Variants in PIGG observed in about 807,000 individuals in gnomAD.
The protein encoded by PIGG is GPI ethanolamine phosphate transferase 2, catalytic subunit.
A neutral mutation model predicts 83.2 loss-of-function variants in PIGG; 70 were observed. The observed-to-expected ratio is 0.84, with a 90% CI of 0.69 to 1.03. The LOEUF (loss-of-function observed/expected upper bound fraction) is 1.03, where lower values mean the gene tolerates loss of function less well. Among genes scored for constraint, PIGG ranks in the 50% least tolerant of loss-of-function variants. PIGG has a pLI of 0.00. For missense variants in PIGG, 1,257 were observed against 1,233.6 expected (o/e 1.02, Z -0.28); for synonymous variants, 532 against 519.5 (o/e 1.02, Z -0.33).
intron 11 of PIGG, chr4:532,897 A>G (rs1043298519): frequency 2.0e-5 from 3 of 150,724 alleles, no homozygotes; most frequent in African/African-American, 7.4e-5. Flanking sequence ...GGGAGCAGAG[A>G]GGAGGGGCCT....
chr4:500,977 G>C, intron 2 of PIGG: 1 of 388,096 alleles, frequency 2.6e-6, no homozygotes, highest in Non-Finnish European at 5.0e-6. Flanking sequence ...AGACTTTATA[G>C]ATAGGAAAGC....
At chr4:503,178 C>T (rs1354019804) in intron 2 of PIGG, among the ~76,000 whole-genome samples, 1 of 152,160 alleles carries the variant, frequency 6.6e-6, no homozygotes, top group East Asian at 1.9e-4. Context: ...GATGTGAATA[C>T]AGGTTGACTG....
chr4:539,126 A>G (rs1731460819), intron 12 of PIGG, 27 bp from the exon 13 acceptor site: 2 of 1,405,608 alleles, frequency 1.4e-6, no homozygotes, highest in Non-Finnish European at 2.0e-6. Flanking sequence ...GGCATGTGCT[A>G]ATACACATTT....
chr4:532,380 A>G (rs34327839), intron 11 of PIGG: 28,604 of 152,254 alleles, frequency 0.19, 3,260 homozygotes, highest in African/African-American at 0.33. Context: ...CCCTGCTCCC[A>G]TCGTGGCATC....
rs1731577430 is a variant in PIGG at position 539,587 on chromosome 4, A to G, written c.*218A>G. 1 of 529,192 alleles carries G rather than the reference A, an allele frequency of 1.9e-6. No homozygotes were observed. The highest frequency in any genetic ancestry group is 3.5e-5 in the Admixed American group (1 of 28,854). 32.8% of individuals were successfully genotyped at this position (529,192 alleles called of 1,614,324 possible). On this transcript the variant is annotated 3_prime_UTR_variant, in exon 13 of 13. Transcript: ENST00000453061. ...CACTCTAGAAGCTTCTGAACTTTTAATTTCCTCTGAATAAGCTATGGTGTG... is the reference window on the plus strand; with the variant it reads ...CACTCTAGAAGCTTCTGAACTTTTAGTTTCCTCTGAATAAGCTATGGTGTG...
intron 10 of PIGG, chr4:527,686 G>A (rs756325434): frequency 5.1e-6 from 5 of 988,184 alleles, no homozygotes; most frequent in African/African-American, 3.5e-5. Flanking sequence ...AAATCAGACC[G>A]TCCTTGTAAT....
chr4:517,041 G>A (rs1447409764), intron 6 of PIGG, among the ~76,000 whole-genome samples: 1 of 152,064 alleles, frequency 6.6e-6, no homozygotes, highest in Non-Finnish European at 1.5e-5. Flanking sequence ...AGGGGCCAGA[G>A]TGGCAAGGGC....
intron 2 of PIGG, among the ~76,000 whole-genome samples, chr4:504,365 G>A (rs964584158): frequency 2.0e-5 from 3 of 152,176 alleles, no homozygotes; most frequent in Non-Finnish European, 2.9e-5. Context: ...CTGCTGCAGC[G>A]TGGAGCTGGA....
At chr4:513,178 A>G (rs1553884877) in intron 5 of PIGG, among the ~76,000 whole-genome samples, 2 of 152,210 alleles carry the variant, frequency 1.3e-5, no homozygotes, top group African/African-American at 4.8e-5. Flanking sequence ...GAGACTGTGA[A>G]TGGTGGTAGT....
chr4:517,172 GCATTTTCGAAGGCTGTCTCAGGCGC>G (rs995392972), intron 6 of PIGG, among the ~76,000 whole-genome samples: 5 of 152,174 alleles, frequency 3.3e-5, no homozygotes, highest in Non-Finnish European at 5.9e-5. Flanking sequence ...TCTCCCACTT[GCATTTTCGAAGGCTGTCTCAGGCGC>G]CCTCGTGGAG....
At chr4:505,960 T>A in intron 3 of PIGG, 33 bp downstream of exon 3, 1 of 1,374,820 alleles carries the variant, frequency 7.3e-7, no homozygotes, top group Non-Finnish European at 1.0e-6. Context: ...TATATCATAC[T>A]AGAATATCAT....
rs564026203 is a variant in PIGG, at chr4:534,989, C to T, written c.2735+1008C>T. ...CTCCCCATCCACACGCCCGTCTTCT[C>T]TGCAGCGTTCCCACCGCCGCACACT... On this transcript the variant is annotated intron_variant, in intron 12 of 12. Coordinates refer to ENST00000453061, the MANE Select transcript of PIGG (RefSeq NM_001127178.3). Among the ~76,000 whole-genome samples the T allele has an allele frequency of 2.0e-5, 3 of 152,376 alleles. No individual in the cohort carries two copies. In the East Asian group the frequency reaches 5.8e-4, roughly 29 times the overall value.
chr4:499,748 A>T, intron 1 of PIGG: 2 of 1,325,338 alleles, frequency 1.5e-6, no homozygotes, highest in South Asian at 4.0e-5. Flanking sequence ...CATACCTGGG[A>T]TCCAGCCTCT....
intron 2 of PIGG, 67 bp downstream of exon 2, chr4:500,668 T>C (rs1249579187): frequency 3.0e-6 from 3 of 1,016,386 alleles, no homozygotes; most frequent in Non-Finnish European, 4.7e-6. Flanking sequence ...GGGGTCTCTG[T>C]AGTCTTTCGC....
Position 508,936 on chromosome 4 carries a change from G to T in PIGG, c.867G>T (p.Leu289=), listed in dbSNP as rs149769844. The change falls in exon 5 of 13, where the codon CTG becomes CTT. Residue 289 remains leucine (L), a synonymous_variant. Transcript: ENST00000453061. ...ASSTEEVNTP[L]ILISSAFERK... ...CCACCGAGGAGGTGAATACACCTCT[G>T]ATTTTAATCAGTTCTGCGTTTGAAA... 188 of 1,613,704 alleles carry T rather than the reference G, an allele frequency of 1.2e-4. 1 individual carries two copies. The East Asian group carries it at 4.2e-3, about 36-fold the overall frequency.
chr4:528,228 GT>G lies in PIGG; in HGVS notation c.2261+1008del, dbSNP rs1043525549. ...ACCCCAGCTTACTAATTGTGTACCT[GT>G]TTTTTTTTTCATACTTATATGAAAG... On this transcript the variant is annotated intron_variant, in intron 10 of 12. Transcript: ENST00000453061. This position sits in a 1 kb window ranked among gnomAD's most constrained non-coding sequence, Gnocchi z 4.8. 100 of 917,930 alleles carry G rather than the reference GT, an allele frequency of 1.1e-4. No homozygotes were observed. The highest frequency in any genetic ancestry group is 1.2e-4 in the Non-Finnish European group (89 of 769,888). 56.9% of individuals were successfully genotyped at this position (917,930 alleles called of 1,614,324 possible).
In PIGG at chr4:539,186, C is replaced by T. The variant is rs148579497; in HGVS notation, c.2769C>T (p.Tyr923=). 1.3e-4 allele frequency: 214 copies of T among 1,612,896 alleles called. No homozygotes were observed. In the East Asian group the frequency reaches 2.9e-3, roughly 22 times the overall value. ...CACTGAGTCATGCTTGCTTCTGCTACGCACTGATTTGTTCTATTCCAGTTT... is the reference window on the plus strand; with the variant it reads ...CACTGAGTCATGCTTGCTTCTGCTATGCACTGATTTGTTCTATTCCAGTTT... ...GSALSHACFC[Y]ALICSIPVFT... The change falls in exon 13 of 13, where the codon TAC becomes TAT. Residue 923 remains tyrosine (Y), a synonymous_variant. Coordinates refer to ENST00000453061, the MANE Select transcript of PIGG (RefSeq NM_001127178.3).
chr4:533,431 C>T (rs990181857), intron 11 of PIGG: 14 of 190,432 alleles, frequency 7.4e-5, no homozygotes, highest in African/African-American at 3.2e-4. Flanking sequence ...CCTATGCGCC[C>T]CTCGGATGGG....
Position 516,191 on chromosome 4 carries a change from T to C in PIGG, c.1114+6T>C. On this transcript the variant is annotated splice_donor_region_variant and intron_variant, in intron 6 of 12. Coordinates refer to ENST00000453061, the MANE Select transcript of PIGG (RefSeq NM_001127178.3). ...TGTGCCGTCATATGAAAAAGGTCAG[T>C]CAACTCACCGTTTCGAGCTCTGTCA... 1 of 1,598,350 alleles carries C rather than the reference T, an allele frequency of 6.3e-7. No homozygotes were observed. The highest frequency in any genetic ancestry group is 8.6e-7 in the Non-Finnish European group (1 of 1,165,604).
Sources: allele counts gnomAD v4.1 joint callset (sites outside exome capture counted in the v4.1 genomes callset), GRCh38; gene constraint gnomAD v4.1.1; non-coding constraint Gnocchi (gnomAD v3.1); transcripts MANE v1.5; gene names NCBI Gene and HGNC (gene_info 2026-07-23, HGNC 2026-07-21).